Variants in CPSF1 observed in about 807,000 individuals in gnomAD.
CPSF1 encodes cleavage and polyadenylation specific factor 1.
In CPSF1, 106 loss-of-function variants were observed where a neutral mutation model predicts 175.8. The ratio of observed to expected loss-of-function variants is 0.60; its 90% confidence interval spans 0.52 to 0.71. CPSF1 has a LOEUF of 0.71. CPSF1 is among the 30% of genes least tolerant of loss of function. The pLI is 0.00. For synonymous variants in CPSF1, 1,024 were observed against 858.3 expected (o/e 1.19, Z -3.37); for missense variants, 1,734 against 2,022.9 (o/e 0.86, Z 2.74).
At position 144,393,577 on chromosome 8, in the gene CPSF1, C is replaced by A. The variant is rs1554862126; in HGVS notation, c.4159G>T (p.Asp1387Tyr). The stretch of plus-strand genomic sequence containing the variant: ...ACGGCATTCTGGAGGGTGCGGCGGT[C>A]CACGTGCAGCATCCTGGGGCGTACA... ...NPRAFRMLHVDRRTLQNAVRN... is the reference protein window; with the variant it reads ...NPRAFRMLHVYRRTLQNAVRN... Residue 1387 changes from aspartate (D) to tyrosine (Y), a missense_variant, in exon 37 of 38, where the codon GAC (aspartate) becomes TAC (tyrosine). Physicochemically the swap from Asp to Tyr is radical, Grantham distance 160. Transcript: ENST00000616140. 2 of 1,604,518 alleles carry A rather than the reference C, an allele frequency of 1.2e-6. No homozygotes were observed. The highest frequency in any genetic ancestry group is 3.4e-5 in the Admixed American group (2 of 58,948).
chr8:144,403,294 G>C (rs1331528512), intron 2 of CPSF1, among the ~76,000 whole-genome samples: 1 of 151,772 alleles, frequency 6.6e-6, no homozygotes, highest in African/African-American at 2.4e-5. Context: ...ACAGGGTTTT[G>C]CCATGGCCAG....
At chr8:144,407,268 T>C (rs1381950968) in intron 2 of CPSF1, among the ~76,000 whole-genome samples, 2 of 146,966 alleles carry the variant, frequency 1.4e-5, no homozygotes, top group African/African-American at 2.5e-5. Context: ...CAGGCTGGAG[T>C]GTAATGGTGC....
chr8:144,400,135 G>GGGGCCCCCCCC, intron 9 of CPSF1, 31 bp downstream of exon 9: 20 of 895,962 alleles, frequency 2.2e-5, no homozygotes, highest in Non-Finnish European at 2.9e-5. Context: ...CCGTCCCCGG[G>GGGGCCCCCCCC]CCCCCCCCGC....
At position 144,400,240 on chromosome 8, in the gene CPSF1, T is replaced by G. The variant is rs2116873801; in HGVS notation, c.863A>C (p.Tyr288Ser). The G allele has an allele frequency of 2.5e-6, 4 of 1,589,936 alleles. No individual in the cohort carries two copies. Among genetic ancestry groups the G allele is most frequent in the Non-Finnish European group, 3.4e-6 (4 of 1,167,002 alleles). The change falls in exon 9 of 38, where the codon TAC becomes TCC. Residue 288 changes from tyrosine to serine, a missense_variant. This residue lies in a region of CPSF1 where 61 missense variants were observed against 104.0 expected (regional missense o/e 0.59). Coordinates refer to ENST00000616140, the MANE Select transcript of CPSF1 (RefSeq NM_013291.3). The stretch of plus-strand genomic sequence containing the variant: ...ATACGGGGGGACGCTCTGGTTCAGG[T>G]ACAACAGCGAGTTGACGGCAAACAC... ...VVVFAVNSLL[Y>S]LNQSVPPYGV... is the part of the protein sequence containing the mutation.
intron 9 of CPSF1, 40 bp from the exon 10 acceptor site, chr8:144,400,125 C>A (rs2116870581): frequency 7.0e-7 from 1 of 1,433,746 alleles, no homozygotes; most frequent in South Asian, 1.3e-5. Flanking sequence ...CAGGCCCAAG[C>A]CGTCCCCGGG....
rs2116863211 is a variant in CPSF1 at position 144,399,482 on chromosome 8, T to G, written c.1264A>C (p.Lys422Gln). The G allele has an allele frequency of 1.8e-5, 29 of 1,613,060 alleles. No individual in the cohort carries two copies. The highest frequency in any genetic ancestry group is 1.2e-4 in the Admixed American group (7 of 59,984). The change falls in exon 13 of 38, where the codon AAG becomes CAG. Residue 422 changes from lysine (K) to glutamine (Q), a missense_variant. By Grantham distance (53) the Lys-to-Gln change is moderately conservative. This residue lies in a region of CPSF1 where 162 missense variants were observed against 169.5 expected (regional missense o/e 0.96). Transcript: ENST00000616140. The surrounding 1 kb of genome is among the most constrained non-coding windows in gnomAD (Gnocchi z 6.4). ...CAGCCGGCCGTCGCATCCACTCGCTTCTTCTTTGAGGGAGGCTCTTCCTGT... is the reference window on the plus strand; with the variant it reads ...CAGCCGGCCGTCGCATCCACTCGCTGCTTCTTTGAGGGAGGCTCTTCCTGT... Reference protein sequence around the residue: ...ADKEEPPSKKKRVDATAGWSA... With the variant: ...ADKEEPPSKKQRVDATAGWSA...
Position 144,401,524 on chromosome 8 carries a change from G to T in CPSF1, c.212C>A (p.Ser71Tyr). The T allele has an allele frequency of 6.2e-7, 1 of 1,614,002 alleles. No individual in the cohort carries two copies. The highest frequency in any genetic ancestry group is 1.1e-5 in the South Asian group (1 of 91,076). The stretch of plus-strand genomic sequence containing the variant: ...CATGACGTTGCCAAAGAAGGAGAAG[G>T]AGGCAGCAAGCTCGAGCTTCTCCCG... ...AHREKLELAA[S>Y]FSFFGNVMSM... Residue 71 changes from serine (S) to tyrosine (Y), a missense_variant, in exon 4 of 38, where the codon TCC (serine) becomes TAC (tyrosine). This residue lies in a region of CPSF1 where 126 missense variants were observed against 117.9 expected (regional missense o/e 1.07). Coordinates refer to ENST00000616140, the MANE Select transcript of CPSF1 (RefSeq NM_013291.3).
In CPSF1 at chr8:144,399,305, C is replaced by T; in HGVS notation, c.1363G>A (p.Gly455Arg). ...IEVYGSEAQS[G>R]TQLATYSFEV... ...AAGGAGTAGGTGGCCAGCTGTGTTCCCGACTGGGCCTCGCTGCCGTACACT... is the reference window on the plus strand; with the variant it reads ...AAGGAGTAGGTGGCCAGCTGTGTTCTCGACTGGGCCTCGCTGCCGTACACT... The change falls in exon 14 of 38, where the codon GGA becomes AGA. Residue 455 changes from glycine (G) to arginine (R), a missense_variant. Physicochemically the swap from Gly to Arg is moderately radical, Grantham distance 125. Coordinates refer to ENST00000616140, the MANE Select transcript of CPSF1 (RefSeq NM_013291.3). The surrounding 1 kb of genome is among the most constrained non-coding windows in gnomAD (Gnocchi z 6.4). 1.9e-6 allele frequency: 3 copies of T among 1,612,356 alleles called. No individual in the cohort carries two copies. Among genetic ancestry groups the T allele is most frequent in the Non-Finnish European group, 2.5e-6 (3 of 1,179,978 alleles).
rs781941516 is a variant in CPSF1 at position 144,394,242 on chromosome 8, C to A, written c.3803G>T (p.Gly1268Val). The change falls in exon 33 of 38, where the codon GGT becomes GTT. Residue 1268 changes from glycine to valine, a missense_variant. Gly to Val is a moderately radical substitution (Grantham distance 109). Transcript: ENST00000616140. The part of the protein sequence containing the change: ...VDFMVDNAQL[G>V]FLVSDRDRNL... ...GGGCCCTGCCCACATACCCAGAAAA[C>A]CCAGCTGGGCATTGTCCACCATGAA... 4 of 1,605,462 alleles carry A rather than the reference C, an allele frequency of 2.5e-6. No individual in the cohort carries two copies. Among genetic ancestry groups the A allele is most frequent in the Non-Finnish European group, 2.6e-6 (3 of 1,175,702 alleles).
Position 144,400,775 on chromosome 8 carries a change from C to T in CPSF1, c.582G>A (p.Arg194=). 6.2e-7 allele frequency: 1 copy of T among 1,613,876 alleles called. No individual in the cohort carries two copies. The highest frequency in any genetic ancestry group is 1.3e-5 in the African/African-American group (1 of 75,048). The part of the protein sequence containing the change: ...SFLPSYIIDV[R]ALDEKLLNII... ...TGTTGAGCAGCTTCTCGTCTAGGGC[C>T]CGCACGTCGATGATGTAGCTGGGCA... is the stretch of plus-strand genomic sequence containing the variant. The change falls in exon 7 of 38, where the codon CGG becomes CGA. Residue 194 remains arginine (R), a synonymous_variant. Transcript: ENST00000616140.
Position 144,393,288 on chromosome 8 carries a change from C to T in CPSF1, c.*30G>A, listed in dbSNP as rs1820428180. Reference sequence around the variant, plus strand: ...ACAAAAAGGGGGTGGGAGGTAGTTCCGTGTGCTGGTGGTGACGGCATCCAC... The same window carrying T: ...ACAAAAAGGGGGTGGGAGGTAGTTCTGTGTGCTGGTGGTGACGGCATCCAC... On this transcript the variant is annotated 3_prime_UTR_variant, in exon 38 of 38. Transcript: ENST00000616140. The T allele has an allele frequency of 3.4e-6, 5 of 1,477,692 alleles. No individual in the cohort carries two copies. The highest frequency in any genetic ancestry group is 2.8e-5 in the African/African-American group (2 of 71,200). 91.5% of individuals were successfully genotyped at this position (1,477,692 alleles called of 1,614,324 possible).
Position 144,400,792 on chromosome 8 carries a change from A to C in CPSF1, c.565T>G (p.Tyr189Asp), listed in dbSNP as rs1343803389. Reference protein sequence around the residue: ...EGQRSSFLPSYIIDVRALDEK... With the variant: ...EGQRSSFLPSDIIDVRALDEK... ...TCTAGGGCCCGCACGTCGATGATGT[A>C]GCTGGGCAGGAAGCTGGACCTCTGC... is the stretch of plus-strand genomic sequence containing the variant. Residue 189 changes from tyrosine to aspartate, a missense_variant, in exon 7 of 38, where the codon TAC (tyrosine) becomes GAC (aspartate). Physicochemically the swap from Tyr to Asp is radical, Grantham distance 160 (BLOSUM62 -3). Transcript: ENST00000616140. 1 of 1,613,678 alleles carries C rather than the reference A, an allele frequency of 6.2e-7. No homozygotes were observed. Among genetic ancestry groups the C allele is most frequent in the Non-Finnish European group, 8.5e-7 (1 of 1,179,946 alleles).
At chr8:144,409,248 G>C in intron 1 of CPSF1, 41 bp downstream of exon 1, 2 of 1,213,506 alleles carry the variant, frequency 1.6e-6, no homozygotes, top group South Asian at 6.8e-5. Context: ...GCCCCTCCCC[G>C]GCCTCGCGCT....
At chr8:144,401,733 G>A in intron 2 of CPSF1, 60 bp from the exon 3 acceptor site, 2 of 1,536,772 alleles carry the variant, frequency 1.3e-6, no homozygotes, top group African/African-American at 2.7e-5. Flanking sequence ...ACCTCATCCG[G>A]GGAACGAGAA....
chr8:144,395,505 GCATCATAGGA>G lies in CPSF1; in HGVS notation c.3016_3025del (p.Ser1006ProfsTer42), dbSNP rs1554863429. The G allele has an allele frequency of 6.8e-7, 1 of 1,469,184 alleles. No individual in the cohort carries two copies. Among genetic ancestry groups the G allele is most frequent in the African/African-American group, 1.4e-5 (1 of 69,782 alleles). 91.0% of individuals were successfully genotyped at this position (1,469,184 alleles called of 1,614,324 possible). A position where few individuals can be genotyped will look rare whatever the true frequency, so the allele number is the denominator to read the frequency against. On this transcript the variant is annotated frameshift_variant, in exon 27 of 38. Coordinates refer to ENST00000616140, the MANE Select transcript of CPSF1 (RefSeq NM_013291.3). LOFTEE classifies it high-confidence loss of function. ...CGGGATCTTCCTGACAGGCCATGGG[GCATCATAGGA>G]CAGGTAGGCAGGCAGGACACTGATC... is the stretch of plus-strand genomic sequence containing the variant.
At chr8:144,396,979 A>C in intron 23 of CPSF1, 50 bp from the exon 24 acceptor site, 2 of 1,376,200 alleles carry the variant, frequency 1.5e-6, no homozygotes, top group Non-Finnish European at 2.0e-6. Flanking sequence ...CATGGAGAAC[A>C]TGGGATGGGC....
intron 23 of CPSF1, 33 bp from the exon 24 acceptor site, chr8:144,396,962 G>C (rs781935723): frequency 4.6e-6 from 7 of 1,519,930 alleles, no homozygotes; most frequent in South Asian, 4.5e-5. Context: ...GGGGGAACGG[G>C]CAGGGCCATG....
rs1290870940 is a variant in CPSF1, at chr8:144,393,987, A to G, written c.3911T>C (p.Val1304Ala). Residue 1304 changes from valine (V) to alanine (A), a missense_variant, in exon 35 of 38, where the codon GTG becomes GCG. Physicochemically the swap from Val to Ala is moderately conservative, Grantham distance 64 (BLOSUM62 0). Coordinates refer to ENST00000616140, the MANE Select transcript of CPSF1 (RefSeq NM_013291.3). ...CCAGAACGTGTTCACGTGGGCACCC[A>G]CGTGGAAGTCTGCCCGACGCAGCAG... ...MRLLRRADFH[V>A]GAHVNTFWRT... The G allele has an allele frequency of 1.9e-6, 3 of 1,613,282 alleles. No homozygotes were observed. In the African/African-American group the frequency reaches 4.0e-5, roughly 22 times the overall value.
In CPSF1 at chr8:144,399,369, C is replaced by G. The variant is rs2116861799; in HGVS notation, c.1299G>C (p.Ala433=). The change falls in exon 14 of 38, where the codon GCG becomes GCC. Residue 433 remains alanine (A), a synonymous_variant. Coordinates refer to ENST00000616140, the MANE Select transcript of CPSF1 (RefSeq NM_013291.3). This position sits in a 1 kb window ranked among gnomAD's most constrained non-coding sequence, Gnocchi z 6.4. ...RVDATAGWSA[A]GKSVPQDEVD... is the part of the protein sequence containing the mutation. ...CCTCATCCTGCGGCACCGACTTACC[C>G]GCAGCTGCACACAGAGAGCCCACTT... The G allele has an allele frequency of 6.8e-6, 11 of 1,612,656 alleles. No individual in the cohort carries two copies. The highest frequency in any genetic ancestry group is 4.0e-5 in the African/African-American group (3 of 74,910).
Sources: allele counts gnomAD v4.1 joint callset (sites outside exome capture counted in the v4.1 genomes callset), GRCh38; gene constraint gnomAD v4.1.1; regional missense constraint gnomAD v4.1.1; non-coding constraint Gnocchi (gnomAD v3.1); transcripts MANE v1.5; gene names NCBI Gene and HGNC (gene_info 2026-07-23, HGNC 2026-07-21).